The following DACH1 variants were observed in gnomAD, a reference collection of about 807,000 sequenced individuals.
DACH1 encodes dachshund family transcription factor 1, also known as dachshund homolog 1.
DACH1 carries 12 observed loss-of-function variants against 54.2 expected under a neutral mutation model. The ratio of observed to expected loss-of-function variants is 0.22; its 90% CI spans 0.14 to 0.36. The LOEUF is 0.36. DACH1 is among the 10% of genes least tolerant of loss of function. The probability of loss-of-function intolerance (pLI) is 1.00; values close to 1 mark genes in which losing one functional copy is unlikely to be tolerated. For missense variants in DACH1, 805 were observed against 929.8 expected (o/e 0.87, Z 1.75); for synonymous variants, 386 against 366.2 (o/e 1.05, Z -0.62).
chr13:71,611,099 G>C (rs189934868), intron 3 of DACH1, among the ~76,000 whole-genome samples: 49 of 152,080 alleles, frequency 3.2e-4, no homozygotes, highest in African/African-American at 1.1e-3. Context: ...CTCGGCACTT[G>C]TGCTTACAGC....
chr13:71,842,215 A>C (rs1872914660), intron 1 of DACH1, among the ~76,000 whole-genome samples: 1 of 152,210 alleles, frequency 6.6e-6, no homozygotes, highest in Non-Finnish European at 1.5e-5. Flanking sequence ...CATTCCAATT[A>C]GTGCTTGGCA....
intron 6 of DACH1, among the ~76,000 whole-genome samples, chr13:71,499,322 G>T (rs1442203634): frequency 6.6e-6 from 1 of 152,110 alleles, no homozygotes; most frequent in Non-Finnish European, 1.5e-5. Context: ...GATACTGCAG[G>T]TGAATATGGG....
intron 1 of DACH1, among the ~76,000 whole-genome samples, chr13:71,783,840 G>T (rs548078024): frequency 6.8e-6 from 1 of 146,334 alleles, no homozygotes; most frequent in Admixed American, 6.9e-5. Flanking sequence ...TTGATTTAAG[G>T]TTTTTTTTTT....
At chr13:71,524,322 TTGAGA>T (rs1399463270) in intron 6 of DACH1, among the ~76,000 whole-genome samples, 1 of 152,120 alleles carries the variant, frequency 6.6e-6, no homozygotes, top group Admixed American at 6.6e-5. Context: ...CTAGAGGAAT[TTGAGA>T]TAACTTTAAA....
At chr13:71,609,334 A>G (rs949422236) in intron 3 of DACH1, among the ~76,000 whole-genome samples, 2 of 152,154 alleles carry the variant, frequency 1.3e-5, no homozygotes, top group Non-Finnish European at 2.9e-5. Flanking sequence ...ATAAACACAC[A>G]AACATCCGCG....
At position 71,536,474 on chromosome 13, in the gene DACH1, A is replaced by G. The variant is rs73521247; in HGVS notation, c.1570+20550T>C. ...ACCTGGAGGCAGTGTGCTCTAAGAG[A>G]CAGAGCATAATAATGAGAAGAAACA... On this transcript the variant is annotated intron_variant, in intron 6 of 10. Coordinates refer to ENST00000613252, the MANE Select transcript of DACH1 (RefSeq NM_080759.6). Among the ~76,000 whole-genome samples, 972 of 152,208 alleles carry G rather than the reference A, an allele frequency of 6.4e-3. 11 individuals are homozygous for G. Among genetic ancestry groups the G allele is most frequent in the African/African-American group, 0.022 (926 of 41,546 alleles).
Position 71,598,416 on chromosome 13 carries a change from G to A in DACH1, c.1127-25404C>T, listed in dbSNP as rs543403973. On this transcript the variant is annotated intron_variant, in intron 3 of 10. Coordinates refer to ENST00000613252, the MANE Select transcript of DACH1 (RefSeq NM_080759.6). ...ATTACAGCCATGCGCCACCACGCCC[G>A]GCTAATTTTTGTATTTTTAGTAGAG... is the stretch of plus-strand genomic sequence containing the variant. Among the ~76,000 whole-genome samples, 25 of 151,978 alleles carry A rather than the reference G, an allele frequency of 1.6e-4. No homozygotes were observed. The South Asian group carries it at 3.5e-3, about 21-fold the overall frequency.
At chr13:71,637,651 T>C (rs865947849) in intron 2 of DACH1, among the ~76,000 whole-genome samples, 2 of 152,202 alleles carry the variant, frequency 1.3e-5, no homozygotes, top group African/African-American at 4.8e-5. Context: ...GCATTTTTAC[T>C]AGTTAGAATA....
At chr13:71,838,978 T>TTTG (rs1335327572) in intron 1 of DACH1, among the ~76,000 whole-genome samples, 1 of 152,208 alleles carries the variant, frequency 6.6e-6, no homozygotes, top group Non-Finnish European at 1.5e-5. Flanking sequence ...GTTCCCATCT[T>TTTG]TTGACACTAG....
chr13:71,648,263 G>A (rs1443138939), intron 2 of DACH1, among the ~76,000 whole-genome samples: 3 of 152,166 alleles, frequency 2.0e-5, no homozygotes, highest in African/African-American at 7.2e-5. Context: ...TAACAGTGGG[G>A]TGGTTAAAAT....
intron 1 of DACH1, among the ~76,000 whole-genome samples, chr13:71,787,391 A>T (rs1057283497): frequency 2.0e-5 from 3 of 152,204 alleles, no homozygotes; most frequent in African/African-American, 4.8e-5. Flanking sequence ...AGGTAATCTT[A>T]CTTTATTAGA....
intron 10 of DACH1, among the ~76,000 whole-genome samples, chr13:71,461,140 T>G (rs1055272553): frequency 2.0e-5 from 3 of 152,078 alleles, no homozygotes; most frequent in African/African-American, 7.2e-5. Flanking sequence ...TTAAGAAGAA[T>G]AATTAGAATT....
At chr13:71,455,436 C>T (rs1175414800) in intron 10 of DACH1, among the ~76,000 whole-genome samples, 1 of 151,894 alleles carries the variant, frequency 6.6e-6, no homozygotes, top group East Asian at 1.9e-4. Flanking sequence ...CTTGTATTAT[C>T]CTAGGGTGCT....
chr13:71,600,608 A>T (rs1242503736), intron 3 of DACH1, among the ~76,000 whole-genome samples: 1 of 152,018 alleles, frequency 6.6e-6, no homozygotes, highest in East Asian at 1.9e-4. Context: ...TAAGCACAAT[A>T]AAAATCAAGG....
chr13:71,831,761 C>T (rs1888599550), intron 1 of DACH1, among the ~76,000 whole-genome samples: 1 of 151,994 alleles, frequency 6.6e-6, no homozygotes, highest in Admixed American at 6.6e-5. Context: ...CTAACATGGC[C>T]TTAACCCCTA....
intron 1 of DACH1, among the ~76,000 whole-genome samples, chr13:71,848,206 T>TC (rs542162367): frequency 3.5e-4 from 43 of 122,158 alleles, no homozygotes; most frequent in East Asian, 6.5e-4. Context: ...GAAGCCATTA[T>TC]CCCCCCCCAA....
intron 2 of DACH1, among the ~76,000 whole-genome samples, chr13:71,654,908 T>TG (rs1174217084): frequency 6.6e-6 from 1 of 152,236 alleles, no homozygotes; most frequent in African/African-American, 2.4e-5. Context: ...AAGGAAAAGT[T>TG]GGAGGTTTAT....
chr13:71,493,389 G>A (rs1461790521), intron 6 of DACH1, among the ~76,000 whole-genome samples: 1 of 152,086 alleles, frequency 6.6e-6, no homozygotes, highest in African/African-American at 2.4e-5. Flanking sequence ...CTGGCTGACA[G>A]GTTGATTGAT....
intron 1 of DACH1, among the ~76,000 whole-genome samples, chr13:71,764,016 T>C (rs1885514738): frequency 6.6e-6 from 1 of 152,166 alleles, no homozygotes; most frequent in African/African-American, 2.4e-5. Context: ...GATATAAATA[T>C]AAATGGCTGT....
Sources: allele counts gnomAD v4.1 joint callset (sites outside exome capture counted in the v4.1 genomes callset), GRCh38; gene constraint gnomAD v4.1.1; transcripts MANE v1.5; gene names NCBI Gene and HGNC (gene_info 2026-07-23, HGNC 2026-07-21).